Variants in BTG4 observed in about 807,000 individuals in gnomAD.
BTG4 encodes protein BTG4.
Under a neutral mutation model 19.3 loss-of-function variants are expected in BTG4, and 10 were observed. The observed-to-expected ratio is 0.52, with a 90% CI of 0.32 to 0.88. BTG4 has a LOEUF of 0.88. BTG4 is among the 40% of genes least tolerant of loss of function. BTG4 has a pLI of 0.04. For synonymous variants in BTG4, 91 were observed against 95.7 expected (o/e 0.95, Z 0.29); for missense variants, 238 against 281.9 (o/e 0.84, Z 1.11).
the BTG4 span, among the ~76,000 whole-genome samples, chr11:111,442,113 T>A: frequency 6.6e-6 from 1 of 152,020 alleles, no homozygotes; most frequent in African/African-American, 2.4e-5. Context: ...AGAGCATAGC[T>A]AACACCCAGA....
At chr11:111,426,792 G>T in the BTG4 span, among the ~76,000 whole-genome samples, 5 of 152,294 alleles carry the variant, frequency 3.3e-5, no homozygotes, top group African/African-American at 1.2e-4. Flanking sequence ...AGGCAGGCCC[G>T]GGCAGGTTTG....
At chr11:111,493,370 T>A (rs1397369543), downstream of BTG4, among the ~76,000 whole-genome samples, 1 of 152,178 alleles carries the variant, frequency 6.6e-6, no homozygotes. Context: ...AGGTAACTAA[T>A]GACAATTGCC....
At chr11:111,401,054 A>T in the BTG4 span, 2 of 21,652 alleles carry the variant, frequency 9.2e-5, no homozygotes, top group Non-Finnish European at 1.3e-4. Context: ...CCTGGAGCAT[A>T]AAAAAAAAAA....
chr11:111,401,262 G>A, the BTG4 span, among the ~76,000 whole-genome samples: 39 of 152,098 alleles, frequency 2.6e-4, no homozygotes, highest in African/African-American at 8.7e-4. Flanking sequence ...CAAGGCGGGC[G>A]GATCACGAGG....
At chr11:111,429,883 C>T in the BTG4 span, among the ~76,000 whole-genome samples, 2 of 152,206 alleles carry the variant, frequency 1.3e-5, no homozygotes, top group Admixed American at 1.3e-4. Flanking sequence ...TGCTGTACAT[C>T]CCACCATCCT....
chr11:111,485,289 T>C (rs1864988570), intron 5 of BTG4, among the ~76,000 whole-genome samples: 1 of 152,158 alleles, frequency 6.6e-6, no homozygotes, highest in South Asian at 2.1e-4. Flanking sequence ...TTTATCCAAC[T>C]GCTGCAGAAT....
At chr11:111,475,740 C>T (rs11213921) in intron 5 of BTG4, among the ~76,000 whole-genome samples, 14,564 of 152,120 alleles carry the variant, frequency 0.096, 872 homozygotes, top group Admixed American at 0.16. Context: ...CTGTATCATG[C>T]CCTGTATTTA....
the BTG4 span, chr11:111,384,895 C>T: frequency 6.6e-6 from 1 of 151,872 alleles, no homozygotes; most frequent in East Asian, 1.9e-4. Context: ...AAAATGTGGC[C>T]CTTAAGGAGA....
downstream of BTG4, among the ~76,000 whole-genome samples, chr11:111,494,017 CT>C (rs2135654592): frequency 6.6e-6 from 1 of 152,272 alleles, no homozygotes; most frequent in Non-Finnish European, 1.5e-5. Flanking sequence ...CAAGCTGTGA[CT>C]GCTCCAATGC....
At chr11:111,476,024 C>T (rs11501065) in intron 5 of BTG4, among the ~76,000 whole-genome samples, 5,748 of 152,012 alleles carry the variant, frequency 0.038, 375 homozygotes, top group African/African-American at 0.13. Context: ...CACCTCCACT[C>T]GACCCCAAGG....
rs768766238 is a variant in BTG4, at chr11:111,467,707, A to G, written c.663-26T>C. The G allele has an allele frequency of 7.6e-5, 57 of 746,136 alleles. 1 individual carries two copies. In the East Asian group the frequency reaches 1.4e-3, roughly 19 times the overall value. The allele number at this position is 746,136 out of a possible 1,614,324, so 46.2% of individuals were successfully genotyped here. On this transcript the variant is annotated intron_variant, in intron 5 of 5. Transcript: ENST00000356018. ...CTGGGGTCCAGTATAGATAAATGAAAGCAAAAAGAACAAATTTTATAATTT... is the reference window on the plus strand; with the variant it reads ...CTGGGGTCCAGTATAGATAAATGAAGGCAAAAAGAACAAATTTTATAATTT...
chr11:111,476,491 C>G (rs1306550783), intron 5 of BTG4, among the ~76,000 whole-genome samples: 2 of 152,094 alleles, frequency 1.3e-5, no homozygotes, highest in Non-Finnish European at 1.5e-5. Flanking sequence ...ATTTTTAAAT[C>G]AAGCTATCAG....
At chr11:111,461,979 G>C in the BTG4 span, 1 of 152,988 alleles carries the variant, frequency 6.5e-6, no homozygotes, top group Non-Finnish European at 1.5e-5. Flanking sequence ...TGGAACAGCT[G>C]GGGCACCTGA....
the BTG4 span, among the ~76,000 whole-genome samples, chr11:111,399,997 G>A: frequency 6.6e-6 from 1 of 152,166 alleles, no homozygotes; most frequent in African/African-American, 2.4e-5. Flanking sequence ...GGAGGCCCTG[G>A]AGAAAGCCGG....
the BTG4 span, chr11:111,458,214 G>A: frequency 6.5e-6 from 1 of 152,836 alleles, no homozygotes; most frequent in Admixed American, 6.5e-5. Flanking sequence ...GAAGCCAGTG[G>A]TGGCAGGATA....
chr11:111,505,527 C>T (rs1198669697), intron 1 of BTG4, among the ~76,000 whole-genome samples: 3 of 151,796 alleles, frequency 2.0e-5, no homozygotes, highest in Non-Finnish European at 4.4e-5. Context: ...CTATAAAAAT[C>T]CTAAAAGAAA....
the BTG4 span, among the ~76,000 whole-genome samples, chr11:111,413,895 A>T: frequency 6.6e-6 from 1 of 152,306 alleles, no homozygotes; most frequent in African/African-American, 2.4e-5. Context: ...CCATCCAGAA[A>T]ACAAGTCCTT....
At chr11:111,419,434 C>T in the BTG4 span, among the ~76,000 whole-genome samples, 5 of 152,386 alleles carry the variant, frequency 3.3e-5, no homozygotes, top group South Asian at 4.1e-4. Context: ...ACGTGCCCCT[C>T]GCCCCTTGGC....
intron 5 of BTG4, among the ~76,000 whole-genome samples, chr11:111,484,804 A>G (rs968117982): frequency 5.9e-5 from 9 of 152,182 alleles, no homozygotes; most frequent in African/African-American, 9.6e-5. Context: ...TGAAATTTAA[A>G]TGGACTGAAT....
Sources: gnomAD v4.1 joint callset for allele counts (sites outside exome capture counted in the v4.1 genomes callset) on GRCh38, gnomAD v4.1.1 for gene constraint, MANE v1.5 for transcripts, NCBI Gene and HGNC (gene_info 2026-07-23, HGNC 2026-07-21) for gene names.